Variants in RICTOR observed in about 807,000 individuals in gnomAD.
The protein encoded by RICTOR is RPTOR independent companion of MTOR complex 2.
A neutral mutation model predicts 214.9 loss-of-function variants in RICTOR; 49 were observed. That is an observed-to-expected ratio of 0.23 (90% CI 0.18 to 0.29). The LOEUF is 0.29. RICTOR is among the 10% of genes least tolerant of loss of function. The pLI is 1.00. For synonymous variants in RICTOR, 717 were observed against 711.3 expected (o/e 1.01, Z -0.13); for missense variants, 1,625 against 2,047.0 (o/e 0.79, Z 3.98).
chr5:38,982,430 T>A (rs760327279), intron 7 of RICTOR, among the ~76,000 whole-genome samples: 4 of 152,176 alleles, frequency 2.6e-5, no homozygotes, highest in Non-Finnish European at 4.4e-5. Flanking sequence ...AACACACACA[T>A]AGAACACACA....
At chr5:39,005,063 G>A (rs1753945997) in intron 3 of RICTOR, among the ~76,000 whole-genome samples, 1 of 151,876 alleles carries the variant, frequency 6.6e-6, no homozygotes, top group Non-Finnish European at 1.5e-5. Flanking sequence ...TTATGGGCAT[G>A]AGCCACAGCG....
chr5:38,944,217 G>C (rs1747922241), intron 36 of RICTOR: 1 of 605,004 alleles, frequency 1.7e-6, no homozygotes, highest in Admixed American at 2.1e-5. Context: ...TCAAAAGTCT[G>C]GCTTAATAGA....
chr5:38,953,550 T>C lies in RICTOR; in HGVS notation c.2701A>G (p.Ile901Val), dbSNP rs758399274. The C allele has an allele frequency of 8.2e-7, 1 of 1,213,766 alleles. No individual in the cohort carries two copies. Among genetic ancestry groups the C allele is most frequent in the Non-Finnish European group, 1.1e-6 (1 of 928,652 alleles). 75.2% of individuals were successfully genotyped at this position (1,213,766 alleles called of 1,614,324 possible). ...TGCHLLEVQN[I>V]ITELCRNVRT... is the part of the protein sequence containing the mutation. Reference sequence around the variant, plus strand: ...ACATTACGACAGAGTTCTGTAATAATATTCTGGAGAAAGAAAAAAAAATAC... The same window carrying C: ...ACATTACGACAGAGTTCTGTAATAACATTCTGGAGAAAGAAAAAAAAATAC... The change falls in exon 28 of 38, where the codon ATT (isoleucine) becomes GTT (valine). Residue 901 changes from isoleucine (I) to valine (V), a missense_variant. This residue lies in a region of RICTOR where 1,214 missense variants were observed against 1,470.5 expected (regional missense o/e 0.83). Transcript: ENST00000357387.
chr5:38,954,906 T>C (rs202234391), intron 26 of RICTOR, 45 bp from the exon 27 acceptor site: 2 of 918,328 alleles, frequency 2.2e-6, no homozygotes, highest in East Asian at 2.5e-5. Context: ...CTAATTTAAA[T>C]ATGCTAATTA....
At chr5:39,067,423 G>A (rs1211157046) in intron 2 of RICTOR, among the ~76,000 whole-genome samples, 1 of 152,086 alleles carries the variant, frequency 6.6e-6, no homozygotes, top group African/African-American at 2.4e-5. Context: ...CTCCAGCATT[G>A]GGGATTACAA....
chr5:39,010,421 CA>C (rs2150119708), intron 3 of RICTOR, among the ~76,000 whole-genome samples: 1 of 152,254 alleles, frequency 6.6e-6, no homozygotes, highest in Non-Finnish European at 1.5e-5. Flanking sequence ...ACTGCTACCA[CA>C]GAGAGTGGGG....
chr5:39,034,456 C>T (rs1340512793), intron 2 of RICTOR, among the ~76,000 whole-genome samples: 2 of 152,308 alleles, frequency 1.3e-5, no homozygotes, highest in Non-Finnish European at 2.9e-5. Context: ...TGGGGAGTGC[C>T]GGACAGCGGA....
chr5:39,009,081 AT>A (rs1754291977), intron 3 of RICTOR, among the ~76,000 whole-genome samples: 1 of 152,148 alleles, frequency 6.6e-6, no homozygotes, highest in Non-Finnish European at 1.5e-5. Flanking sequence ...TGCTACAGTA[AT>A]AATGAATGTT....
chr5:39,037,913 C>A (rs997059572), intron 2 of RICTOR, among the ~76,000 whole-genome samples: 8 of 152,194 alleles, frequency 5.3e-5, no homozygotes, highest in African/African-American at 1.9e-4. Flanking sequence ...AGTATCATTC[C>A]TTCTGAAACT....
intron 2 of RICTOR, among the ~76,000 whole-genome samples, chr5:39,067,134 G>C (rs548974903): frequency 6.6e-6 from 1 of 152,302 alleles, no homozygotes; most frequent in South Asian, 2.1e-4. Context: ...CTGAGCCTGG[G>C]TAATTTAAAA....
chr5:38,989,483 A>G (rs1179455409), intron 7 of RICTOR, among the ~76,000 whole-genome samples: 1 of 152,216 alleles, frequency 6.6e-6, no homozygotes, highest in Non-Finnish European at 1.5e-5. Context: ...CAATGGCAAC[A>G]AAAGCCAAAA....
chr5:38,952,124 C>T (rs1748844023), intron 30 of RICTOR, 72 bp downstream of exon 30: 2 of 919,746 alleles, frequency 2.2e-6, no homozygotes, highest in Non-Finnish European at 3.4e-6. Flanking sequence ...GTAACAAATA[C>T]ATTTAAATTC....
Position 38,942,017 on chromosome 5 carries a change from C to A in RICTOR, c.*287G>T. On this transcript the variant is annotated 3_prime_UTR_variant, in exon 38 of 38. Transcript: ENST00000357387. ...TTTAAAATGAAAGAAAATAGAAAACCTATGTAGGTATTCAGTGCTTGGCTC... is the reference window on the plus strand; with the variant it reads ...TTTAAAATGAAAGAAAATAGAAAACATATGTAGGTATTCAGTGCTTGGCTC... The A allele has an allele frequency of 3.3e-6, 1 of 301,836 alleles. No homozygotes were observed. Among genetic ancestry groups the A allele is most frequent in the Non-Finnish European group, 6.1e-6 (1 of 164,726 alleles). 18.7% of individuals were successfully genotyped at this position (301,836 alleles called of 1,614,324 possible).
In RICTOR at chr5:38,960,408, T is replaced by G. The variant is rs768878943; in HGVS notation, c.1841A>C (p.Glu614Ala). 1 of 1,613,468 alleles carries G rather than the reference T, an allele frequency of 6.2e-7. No individual in the cohort carries two copies. The highest frequency in any genetic ancestry group is 8.5e-7 in the Non-Finnish European group (1 of 1,179,680). Residue 614 changes from glutamate (E) to alanine (A), a missense_variant, in exon 20 of 38, where the codon GAA (glutamate) becomes GCA (alanine). By Grantham distance (107) the Glu-to-Ala change is moderately radical. Around this residue, in one of 5 missense-constraint regions of RICTOR, gnomAD observed 1,214 missense variants for 1,470.5 expected, o/e 0.83. Transcript: ENST00000357387. ...VGCQFTEFLLESEEDGQGYLE... is the reference protein window; with the variant it reads ...VGCQFTEFLLASEEDGQGYLE... ...ATTCAGAATGCCCACCTCTTCAGAT[T>G]CAAGAAGAAATTCTGTAAACTGGCA...
Position 38,996,894 on chromosome 5 carries a change from A to G in RICTOR, c.393-12T>C, listed in dbSNP as rs374856615. 6.2e-5 allele frequency: 98 copies of G among 1,582,072 alleles called. No individual in the cohort carries two copies. Among genetic ancestry groups the G allele is most frequent in the Non-Finnish European group, 8.3e-5 (96 of 1,152,026 alleles). On this transcript the variant is annotated splice_polypyrimidine_tract_variant and intron_variant, in intron 5 of 37. Transcript: ENST00000357387. ...GTATGTCAATGCACCTAAACAATACACAAAATATTAATCATTGATAAAATT... is the reference window on the plus strand; with the variant it reads ...GTATGTCAATGCACCTAAACAATACGCAAAATATTAATCATTGATAAAATT...
intron 3 of RICTOR, among the ~76,000 whole-genome samples, chr5:39,013,709 A>G (rs879444325): frequency 1.8e-4 from 27 of 151,902 alleles, no homozygotes; most frequent in Non-Finnish European, 2.9e-4. Flanking sequence ...AGACACAAAC[A>G]CACACACACA....
intron 2 of RICTOR, among the ~76,000 whole-genome samples, chr5:39,045,075 T>C: frequency 6.6e-6 from 1 of 152,168 alleles, no homozygotes; most frequent in East Asian, 1.9e-4. Flanking sequence ...TTCATCTCTT[T>C]CCCTTTTCCA....
At chr5:38,989,699 A>T (rs1752441488) in intron 7 of RICTOR, among the ~76,000 whole-genome samples, 1 of 152,238 alleles carries the variant, frequency 6.6e-6, no homozygotes, top group Non-Finnish European at 1.5e-5. Flanking sequence ...GGATATGAAC[A>T]GACACTTCTC....
Position 38,944,926 on chromosome 5 carries a change from T to C in RICTOR, c.4776A>G (p.Thr1592=), listed in dbSNP as rs1748008085. 2 of 1,614,036 alleles carry C rather than the reference T, an allele frequency of 1.2e-6. No individual in the cohort carries two copies. Among genetic ancestry groups the C allele is most frequent in the Non-Finnish European group, 1.7e-6 (2 of 1,179,922 alleles). ...CTGAAGACTCACCTAGTAACAATTC[T>C]GTGCTTTTGGTGCTGCTAGCTGAGC... ...QEGSASSTKS[T]ELLLGVKTIP... The change falls in exon 35 of 38, where the codon ACA becomes ACG. Residue 1592 remains threonine (T), a synonymous_variant. Transcript: ENST00000357387.
Sources: allele counts gnomAD v4.1 joint callset (sites outside exome capture counted in the v4.1 genomes callset), GRCh38; gene constraint gnomAD v4.1.1; regional missense constraint gnomAD v4.1.1; transcripts MANE v1.5; gene names NCBI Gene and HGNC (gene_info 2026-07-23, HGNC 2026-07-21).